The following PLD5 variants were observed in gnomAD, a reference collection of about 807,000 sequenced individuals.
PLD5 encodes inactive phospholipase D5.
A neutral mutation model predicts 61.1 loss-of-function variants in PLD5; 36 were observed. The observed-to-expected ratio is 0.59, with a 90% CI of 0.45 to 0.78. The LOEUF (loss-of-function observed/expected upper bound fraction) is 0.78, where lower values mean the gene tolerates loss of function less well. Ranked by LOEUF, PLD5 falls within the 30% of genes least tolerant of loss-of-function variation. The pLI, the probability that PLD5 is intolerant of heterozygous loss-of-function variation, is 0.00. For missense variants in PLD5, 515 were observed against 644.4 expected, an observed-to-expected ratio of 0.80 and a Z score of 2.17; for synonymous variants, 243 against 242.8, an observed-to-expected ratio of 1.00 and a Z score of -0.01.
At chr1:242,465,121 T>C (rs538417666) in intron 1 of PLD5, among the ~76,000 whole-genome samples, 13 of 152,312 alleles carry the variant, frequency 8.5e-5, no homozygotes, top group Non-Finnish European at 1.8e-4. Context: ...GAATTGTACA[T>C]TGAAATGGCT....
chr1:242,110,483 CT>C (rs964191820), intron 7 of PLD5, among the ~76,000 whole-genome samples: 1 of 152,066 alleles, frequency 6.6e-6, no homozygotes, highest in Non-Finnish European at 1.5e-5. Flanking sequence ...GCTGTTCATG[CT>C]TTAATCACTG....
chr1:242,193,153 C>T (rs1668387759), intron 5 of PLD5, among the ~76,000 whole-genome samples: 1 of 152,112 alleles, frequency 6.6e-6, no homozygotes, highest in African/African-American at 2.4e-5. Context: ...TGTAGCCTGA[C>T]TCTCCCTTAA....
intron 1 of PLD5, among the ~76,000 whole-genome samples, chr1:242,523,513 C>T (rs1163979261): frequency 1.3e-5 from 2 of 152,096 alleles, no homozygotes; most frequent in African/African-American, 2.4e-5. Flanking sequence ...TTTAGCCTTT[C>T]TCCTTGCAAC....
At chr1:242,198,436 C>T (rs1307343782) in intron 5 of PLD5, among the ~76,000 whole-genome samples, 1 of 144,248 alleles carries the variant, frequency 6.9e-6, no homozygotes, top group African/African-American at 2.8e-5. Flanking sequence ...GTGACCAGTC[C>T]TTCCAACTGA....
At chr1:242,111,046 A>G (rs1661447207) in intron 7 of PLD5, among the ~76,000 whole-genome samples, 1 of 147,636 alleles carries the variant, frequency 6.8e-6, no homozygotes, top group African/African-American at 2.6e-5. Context: ...GAAGTGAAAT[A>G]GGGCTTCTGA....
chr1:242,164,884 G>A (rs981763018), intron 5 of PLD5, among the ~76,000 whole-genome samples: 1 of 152,112 alleles, frequency 6.6e-6, no homozygotes, highest in Admixed American at 6.5e-5. Context: ...TTTCTTTTAT[G>A]AGTTTCCTGC....
chr1:242,333,210 AG>A (rs747271993), intron 2 of PLD5, among the ~76,000 whole-genome samples: 24 of 152,212 alleles, frequency 1.6e-4, no homozygotes, highest in Non-Finnish European at 3.1e-4. Flanking sequence ...TTTGCACATA[AG>A]AAAGCAGAGG....
chr1:242,353,627 C>A (rs1370939516), intron 1 of PLD5, among the ~76,000 whole-genome samples: 3 of 152,036 alleles, frequency 2.0e-5, no homozygotes, highest in Admixed American at 2.0e-4. Flanking sequence ...GTAATTCTTA[C>A]AATATCTATT....
In PLD5 at chr1:242,259,305, CCCCT is replaced by C. The variant is rs534829049; in HGVS notation, c.607+6028_607+6031del. On this transcript the variant is annotated intron_variant, in intron 4 of 9. Coordinates refer to ENST00000536534, the MANE Select transcript of PLD5 (RefSeq NM_001372062.1). ...GCCTGGGTGATGGAGCAAGACATCA[CCCCT>C]CTCTCTCTCTCTCTCTCAAAAAAAA... Among the ~76,000 whole-genome samples, 381 of 83,954 alleles carry C rather than the reference CCCCT, an allele frequency of 4.5e-3. 3 individuals are homozygous for C. Among genetic ancestry groups the C allele is most frequent in the Admixed American group, 9.7e-3 (85 of 8,724 alleles). The allele number at this position is 83,954 out of a possible 152,430, so 55.1% of individuals were successfully genotyped here.
At chr1:242,466,003 T>C (rs1667266801) in intron 1 of PLD5, among the ~76,000 whole-genome samples, 1 of 152,180 alleles carries the variant, frequency 6.6e-6, no homozygotes, top group African/African-American at 2.4e-5. Flanking sequence ...GAAAACCACT[T>C]GGCTAATTCC....
intron 1 of PLD5, chr1:242,449,513 G>T: frequency 1.3e-6 from 2 of 1,489,052 alleles, no homozygotes; most frequent in East Asian, 5.0e-5. Context: ...TCAATTGCTG[G>T]CCTCAATGCT....
intron 1 of PLD5, among the ~76,000 whole-genome samples, chr1:242,373,844 A>G (rs923800073): frequency 3.3e-5 from 5 of 152,094 alleles, no homozygotes; most frequent in African/African-American, 1.2e-4. Context: ...AGATATATAT[A>G]TATAATATAG....
Position 242,214,477 on chromosome 1 carries a change from C to T in PLD5, c.735+5511G>A, listed in dbSNP as rs139853104. ...CAACGTACACATCCTGTTTTTATTA[C>T]ACACAGTCAAGCCCACAGCTCACTG... On this transcript the variant is annotated intron_variant, in intron 5 of 9. Coordinates refer to ENST00000536534, the MANE Select transcript of PLD5 (RefSeq NM_001372062.1). Among the ~76,000 whole-genome samples the T allele has an allele frequency of 4.6e-5, 7 of 152,294 alleles. No individual in the cohort carries two copies. In the East Asian group the frequency reaches 1.4e-3, roughly 29 times the overall value.
chr1:242,299,827 T>C (rs555281071), intron 2 of PLD5, among the ~76,000 whole-genome samples: 8 of 152,358 alleles, frequency 5.3e-5, no homozygotes, highest in African/African-American at 1.7e-4. Context: ...TTTGGGGTCA[T>C]GTATTTATAC....
chr1:242,376,845 C>G, intron 1 of PLD5: 1 of 1,433,622 alleles, frequency 7.0e-7, no homozygotes, highest in Admixed American at 2.5e-5. Flanking sequence ...TCTATTATCC[C>G]ACTGCAAACT....
chr1:242,239,376 T>G (rs753747), intron 4 of PLD5, among the ~76,000 whole-genome samples: 12,323 of 152,254 alleles, frequency 0.081, 626 homozygotes, highest in East Asian at 0.16. Flanking sequence ...TGTACTTGGT[T>G]CACTTTTTGA....
At chr1:242,446,408 G>T (rs1441552980) in intron 1 of PLD5, among the ~76,000 whole-genome samples, 1 of 151,764 alleles carries the variant, frequency 6.6e-6, no homozygotes, top group Non-Finnish European at 1.5e-5. Context: ...TGTCTCTACT[G>T]AAAAATACAA....
intron 7 of PLD5, 39 bp downstream of exon 7, chr1:242,113,851 A>T (rs1218107831): frequency 6.3e-7 from 1 of 1,593,900 alleles, no homozygotes; most frequent in Non-Finnish European, 8.5e-7. Flanking sequence ...GCCTGGTCTT[A>T]GGGACTGGGT....
chr1:242,383,375 T>G (rs1433860360), intron 1 of PLD5, among the ~76,000 whole-genome samples: 1 of 152,138 alleles, frequency 6.6e-6, no homozygotes, highest in Non-Finnish European at 1.5e-5. Flanking sequence ...ATTTAAGAAG[T>G]TTGTCTATGT....
Sources: gnomAD v4.1 joint callset for allele counts (sites outside exome capture counted in the v4.1 genomes callset) on GRCh38, gnomAD v4.1.1 for gene constraint, MANE v1.5 for transcripts, NCBI Gene and HGNC (gene_info 2026-07-23, HGNC 2026-07-21) for gene names.